Variants in NFIB observed in about 807,000 individuals in gnomAD.
NFIB encodes nuclear factor 1 B-type.
Under a neutral mutation model 61.5 loss-of-function variants are expected in NFIB, and 11 were observed. That is an observed-to-expected ratio of 0.18 (90% CI 0.11 to 0.30). The LOEUF is 0.30. Ranked by LOEUF, NFIB falls within the 10% of genes least tolerant of loss-of-function variation. The pLI, the probability that NFIB is intolerant of heterozygous loss-of-function variation, is 1.00. For missense variants in NFIB, 471 were observed against 608.9 expected (o/e 0.77, Z 2.38); for synonymous variants, 260 against 216.5 (o/e 1.20, Z -1.76).
intron 2 of NFIB, among the ~76,000 whole-genome samples, chr9:14,278,352 C>T (rs1225823831): frequency 1.3e-5 from 2 of 152,184 alleles, no homozygotes; most frequent in African/African-American, 4.8e-5. Flanking sequence ...TCGTGCGAAG[C>T]TACAGAAAGA....
chr9:14,345,404 A>C (rs920776208), intron 1 of NFIB, among the ~76,000 whole-genome samples: 1 of 152,178 alleles, frequency 6.6e-6, no homozygotes, highest in African/African-American at 2.4e-5. Flanking sequence ...CTTTTTCTTA[A>C]TCCCATCTTT....
At chr9:14,229,783 T>C (rs1587779948) in intron 2 of NFIB, among the ~76,000 whole-genome samples, 1 of 152,038 alleles carries the variant, frequency 6.6e-6, no homozygotes, top group African/African-American at 2.4e-5. Flanking sequence ...TCTAAAAATA[T>C]CCCCTCCCAA....
the NFIB span, among the ~76,000 whole-genome samples, chr9:14,491,774 C>T: frequency 6.0e-4 from 91 of 152,132 alleles, no homozygotes; most frequent in East Asian, 7.5e-3. Flanking sequence ...TCCAAAATAA[C>T]GATGAGATGT....
the NFIB span, among the ~76,000 whole-genome samples, chr9:14,452,315 T>G: frequency 1.4e-5 from 2 of 144,618 alleles, no homozygotes; most frequent in African/African-American, 5.1e-5. Context: ...TTTTTTACAT[T>G]AAAAAATAAA....
At chr9:14,220,073 G>A (rs1015653114) in intron 2 of NFIB, among the ~76,000 whole-genome samples, 1 of 152,166 alleles carries the variant, frequency 6.6e-6, no homozygotes, top group African/African-American at 2.4e-5. Context: ...TCTGCATGTT[G>A]AGCCAAGGAA....
intron 2 of NFIB, 98 bp downstream of exon 2, chr9:14,306,890 AG>A: frequency 7.0e-7 from 1 of 1,435,146 alleles, no homozygotes; most frequent in South Asian, 1.3e-5. Flanking sequence ...GAGGATATCT[AG>A]GGGCCTTGAG....
the NFIB span, among the ~76,000 whole-genome samples, chr9:14,446,417 T>C: frequency 6.6e-6 from 1 of 152,192 alleles, no homozygotes; most frequent in Admixed American, 6.5e-5. Context: ...GTCTGTGTCT[T>C]GGTTTATTTT....
chr9:14,491,604 C>A, the NFIB span, among the ~76,000 whole-genome samples: 3 of 152,204 alleles, frequency 2.0e-5, no homozygotes, highest in Admixed American at 1.3e-4. Flanking sequence ...TTGTGGCATT[C>A]TCAAGACACT....
At chr9:14,480,652 G>A in the NFIB span, among the ~76,000 whole-genome samples, 336 of 152,194 alleles carry the variant, frequency 2.2e-3, 2 homozygotes, top group African/African-American at 7.6e-3. Context: ...CAATGTAGCC[G>A]TTGAAACAAG....
chr9:14,183,472 C>G (rs978721716), intron 2 of NFIB, among the ~76,000 whole-genome samples: 1 of 151,424 alleles, frequency 6.6e-6, no homozygotes, highest in East Asian at 1.9e-4. Context: ...AGCACTATCA[C>G]AGCTCACTGA....
the NFIB span, among the ~76,000 whole-genome samples, chr9:14,481,699 C>A: frequency 6.6e-6 from 1 of 152,072 alleles, no homozygotes; most frequent in Non-Finnish European, 1.5e-5. Flanking sequence ...TTCACTAGTT[C>A]TCTCCGGATA....
chr9:14,120,039 A>C lies in NFIB; in HGVS notation c.1245+401T>G, dbSNP rs2038722190. On this transcript the variant is annotated intron_variant, in intron 8 of 10. Coordinates refer to ENST00000380953, the MANE Select transcript of NFIB (RefSeq NM_001190737.2). This position sits in a 1 kb window ranked among gnomAD's most constrained non-coding sequence, Gnocchi z 4.4. The stretch of plus-strand genomic sequence containing the variant: ...AATACCTAATAGTTGGTCTATAAAT[A>C]CAACTGTAAGTTCTTTTGTGTGTGT... 1.3e-5 allele frequency among the ~76,000 whole-genome samples: 2 copies of C among 152,240 alleles called. No individual in the cohort carries two copies. The highest frequency in any genetic ancestry group is 6.5e-5 in the Admixed American group (1 of 15,286).
the NFIB span, among the ~76,000 whole-genome samples, chr9:14,457,842 C>A: frequency 6.6e-6 from 1 of 152,064 alleles, no homozygotes; most frequent in African/African-American, 2.4e-5. Context: ...CTGAATAGAC[C>A]AATAACAGGC....
chr9:14,407,710 AG>A, the NFIB span, among the ~76,000 whole-genome samples: 1 of 152,182 alleles, frequency 6.6e-6, no homozygotes, highest in Non-Finnish European at 1.5e-5. Context: ...TTTTAGAGAC[AG>A]GATCTTGCTT....
chr9:14,468,028 A>C, the NFIB span, among the ~76,000 whole-genome samples: 1 of 152,232 alleles, frequency 6.6e-6, no homozygotes, highest in Non-Finnish European at 1.5e-5. Context: ...TCAGCTTTGC[A>C]TTAGATATTC....
intron 2 of NFIB, among the ~76,000 whole-genome samples, chr9:14,255,322 A>C (rs927236842): frequency 2.0e-5 from 3 of 152,194 alleles, no homozygotes; most frequent in Non-Finnish European, 4.4e-5. Context: ...AATCTTGCTG[A>C]ATTTGTTGAA....
intron 10 of NFIB, among the ~76,000 whole-genome samples, chr9:14,101,012 A>G (rs2035701123): frequency 6.6e-6 from 1 of 152,216 alleles, no homozygotes; most frequent in African/African-American, 2.4e-5. Context: ...ATTAAATTCA[A>G]TTACCTTTTA....
the NFIB span, among the ~76,000 whole-genome samples, chr9:14,479,346 C>G: frequency 2.0e-5 from 3 of 152,304 alleles, no homozygotes; most frequent in Admixed American, 1.3e-4. Flanking sequence ...CCCATACTAG[C>G]AGACTTCCAA....
the NFIB span, among the ~76,000 whole-genome samples, chr9:14,459,991 C>T: frequency 6.6e-6 from 1 of 151,962 alleles, no homozygotes. Flanking sequence ...CTAGAAATAC[C>T]ATTTGACCCA....
Sources: gnomAD v4.1 joint callset for allele counts (sites outside exome capture counted in the v4.1 genomes callset) on GRCh38, gnomAD v4.1.1 for gene constraint, Gnocchi (gnomAD v3.1) non-coding constraint, MANE v1.5 for transcripts, NCBI Gene and HGNC (gene_info 2026-07-23, HGNC 2026-07-21) for gene names.